Variants in DCUN1D3 observed in about 807,000 individuals in gnomAD.
DCUN1D3 encodes defective in cullin neddylation 1 domain containing 3.
In DCUN1D3, 6 loss-of-function variants were observed where a neutral mutation model predicts 24.8. The ratio of observed to expected loss-of-function variants is 0.24; its 90% CI spans 0.13 to 0.48. The LOEUF is 0.48. DCUN1D3 is among the 20% of genes least tolerant of loss of function. The pLI is 0.99. For synonymous variants in DCUN1D3, 120 were observed against 144.9 expected (o/e 0.83, Z 1.24); for missense variants, 258 against 379.4 (o/e 0.68, Z 2.66).
chr16:20,859,639 C>T lies in DCUN1D3; in HGVS notation c.*247G>A, dbSNP rs1485848676. The T allele has an allele frequency of 1.1e-5, 3 of 274,838 alleles. No individual in the cohort carries two copies. Among genetic ancestry groups the T allele is most frequent in the Admixed American group, 5.5e-5 (1 of 18,198 alleles). The allele number at this position is 274,838 out of a possible 1,614,324, so 17.0% of individuals were successfully genotyped here. On this transcript the variant is annotated 3_prime_UTR_variant, in exon 3 of 3. Transcript: ENST00000324344. ...TATCTGAAGGCTTCAAAAAAAGATA[C>T]ACAACATGTAACCAGGTTCAAATAT...
In DCUN1D3 at chr16:20,859,540, C is replaced by CAAAAAAAAAAAAAAAAAAAAAAAA. The variant is rs61506075; in HGVS notation, c.*345_*346insTTTTTTTTTTTTTTTTTTTTTTTT. 5.0e-4 allele frequency: 36 copies of CAAAAAAAAAAAAAAAAAAAAAAAA among 71,468 alleles called. No individual in the cohort carries two copies. The highest frequency in any genetic ancestry group is 9.9e-4 in the African/African-American group (16 of 16,092). The allele number at this position is 71,468 out of a possible 1,614,324, so 4.4% of individuals were successfully genotyped here. A position where few individuals can be genotyped will look rare whatever the true frequency, so the allele number is the denominator to read the frequency against. On this transcript the variant is annotated 3_prime_UTR_variant, in exon 3 of 3. Coordinates refer to ENST00000324344, the MANE Select transcript of DCUN1D3 (RefSeq NM_173475.4). ...CGCCCTGCTCTATGCCCTCCCCTACCAAAAAAAAAAAAAAAAAAACAAAAA... is the reference window on the plus strand; with the variant it reads ...CGCCCTGCTCTATGCCCTCCCCTACCAAAAAAAAAAAAAAAAAAAAAAAAAAAAAAAAAAAAAAAAAAACAAAAA...
chr16:20,874,235 T>C (rs998310934), intron 1 of DCUN1D3, among the ~76,000 whole-genome samples: 3 of 152,204 alleles, frequency 2.0e-5, no homozygotes, highest in East Asian at 1.9e-4. Context: ...GAATATATCA[T>C]AGGACCCTTA....
In DCUN1D3 at chr16:20,875,210, GCACACACACACACACA is replaced by G. The variant is rs3222584; in HGVS notation, c.-105-12583_-105-12568del. On this transcript the variant is annotated intron_variant, in intron 1 of 2. Coordinates refer to ENST00000324344, the MANE Select transcript of DCUN1D3 (RefSeq NM_173475.4). ...CCCAGAATAAACTGCGTGCGCTCAT[GCACACACACACACACA>G]CACACACACACACACACACACACAC... is the stretch of plus-strand genomic sequence containing the variant. Among the ~76,000 whole-genome samples, 65 of 140,342 alleles carry G rather than the reference GCACACACACACACACA, an allele frequency of 4.6e-4. 1 individual carries two copies. The highest frequency in any genetic ancestry group is 1.7e-3 in the South Asian group (7 of 4,222). 92.1% of individuals were successfully genotyped at this position (140,342 alleles called of 152,430 possible).
In DCUN1D3 at chr16:20,859,187, T is replaced by C. The variant is rs1400420362; in HGVS notation, c.*699A>G. On this transcript the variant is annotated 3_prime_UTR_variant, in exon 3 of 3. Transcript: ENST00000324344. ...AAAACTCAACATGAAATGCAATAGG[T>C]CAAAGAAGGAATGAGCAAGAAGTGA... 7 of 152,418 alleles carry C rather than the reference T, an allele frequency of 4.6e-5. No individual in the cohort carries two copies. Among genetic ancestry groups the C allele is most frequent in the African/African-American group, 1.7e-4 (7 of 41,378 alleles). The allele number at this position is 152,418 out of a possible 1,614,324, so 9.4% of individuals were successfully genotyped here. A position where few individuals can be genotyped will look rare whatever the true frequency, so the allele number is the denominator to read the frequency against.
At chr16:20,872,344 T>A (rs2081792387) in intron 1 of DCUN1D3, among the ~76,000 whole-genome samples, 1 of 152,124 alleles carries the variant, frequency 6.6e-6, no homozygotes, top group South Asian at 2.1e-4. Context: ...AATGACTGCA[T>A]CCAAATGTCT....
intron 1 of DCUN1D3, among the ~76,000 whole-genome samples, chr16:20,883,581 A>G (rs1055801020): frequency 1.3e-5 from 2 of 152,218 alleles, no homozygotes; most frequent in Non-Finnish European, 2.9e-5. Flanking sequence ...AGCTGGTTGT[A>G]TCAGAAGTAT....
At chr16:20,875,226 A>G (rs2081808517) in intron 1 of DCUN1D3, among the ~76,000 whole-genome samples, 2 of 127,180 alleles carry the variant, frequency 1.6e-5, no homozygotes, top group African/African-American at 6.1e-5. Flanking sequence ...ACACACACAC[A>G]CACACACACA....
At chr16:20,867,697 A>G (rs1402269356) in intron 1 of DCUN1D3, among the ~76,000 whole-genome samples, 3 of 152,208 alleles carry the variant, frequency 2.0e-5, no homozygotes, top group African/African-American at 7.2e-5. Flanking sequence ...CAGTAGTAGT[A>G]GTAGCTCAGT....
intron 1 of DCUN1D3, among the ~76,000 whole-genome samples, chr16:20,873,730 G>A (rs2081800997): frequency 1.3e-5 from 2 of 152,136 alleles, no homozygotes; most frequent in Admixed American, 1.3e-4. Flanking sequence ...TTTAATGACT[G>A]GACCCAGGAT....
chr16:20,874,430 TTTA>T (rs1262059095), intron 1 of DCUN1D3, among the ~76,000 whole-genome samples: 12 of 152,250 alleles, frequency 7.9e-5, no homozygotes, highest in African/African-American at 2.9e-4. Flanking sequence ...CTTCAGGAGC[TTTA>T]TTCTATTGTG....
At chr16:20,877,291 G>A (rs563652622) in intron 1 of DCUN1D3, among the ~76,000 whole-genome samples, 2 of 152,048 alleles carry the variant, frequency 1.3e-5, no homozygotes, top group East Asian at 3.9e-4. Flanking sequence ...AGAATAAATG[G>A]CTGCTTCATA....
At chr16:20,892,379 T>C (rs1272140722) in intron 1 of DCUN1D3, among the ~76,000 whole-genome samples, 1 of 152,162 alleles carries the variant, frequency 6.6e-6, no homozygotes, top group African/African-American at 2.4e-5. Context: ...AGTGTGCCCC[T>C]AGATGCTGTC....
chr16:20,894,232 G>T (rs1042804361), intron 1 of DCUN1D3, among the ~76,000 whole-genome samples: 2 of 152,124 alleles, frequency 1.3e-5, no homozygotes, highest in Admixed American at 6.5e-5. Context: ...TCATGCCACT[G>T]CATTCCAGCC....
chr16:20,888,815 C>T (rs1208194719), intron 1 of DCUN1D3, among the ~76,000 whole-genome samples: 4 of 152,132 alleles, frequency 2.6e-5, no homozygotes, highest in Admixed American at 6.5e-5. Flanking sequence ...GGCCAGGTGC[C>T]GTGGCTCACA....
intron 1 of DCUN1D3, among the ~76,000 whole-genome samples, chr16:20,896,807 T>A (rs2081918229): frequency 6.6e-6 from 1 of 152,228 alleles, no homozygotes; most frequent in Non-Finnish European, 1.5e-5. Flanking sequence ...TGAGATACTC[T>A]AGTATGAAGA....
intron 1 of DCUN1D3, among the ~76,000 whole-genome samples, chr16:20,877,482 T>C (rs1391694436): frequency 6.6e-6 from 1 of 152,228 alleles, no homozygotes; most frequent in African/African-American, 2.4e-5. Context: ...TTTACCTGCC[T>C]TATTCGCCAC....
intron 1 of DCUN1D3, among the ~76,000 whole-genome samples, chr16:20,893,579 C>G (rs532973824): frequency 6.6e-6 from 1 of 152,272 alleles, no homozygotes; most frequent in Admixed American, 6.5e-5. Context: ...AATAGGGTAG[C>G]CCAATATAAC....
chr16:20,867,748 C>A (rs1596630910), intron 1 of DCUN1D3, among the ~76,000 whole-genome samples: 1 of 152,214 alleles, frequency 6.6e-6, no homozygotes, highest in African/African-American at 2.4e-5. Flanking sequence ...CTTACCCCAT[C>A]TGAACAATGG....
At chr16:20,870,032 C>T (rs1036985247) in intron 1 of DCUN1D3, among the ~76,000 whole-genome samples, 5 of 152,156 alleles carry the variant, frequency 3.3e-5, no homozygotes, top group African/African-American at 1.2e-4. Flanking sequence ...CAGAATACGC[C>T]CCCAGGAAGC....
Sources: allele counts gnomAD v4.1 joint callset (sites outside exome capture counted in the v4.1 genomes callset), GRCh38; gene constraint gnomAD v4.1.1; transcripts MANE v1.5; gene names NCBI Gene and HGNC (gene_info 2026-07-23, HGNC 2026-07-21).